Variants in DAAM1 observed in about 807,000 individuals in gnomAD.
DAAM1 encodes disheveled-associated activator of morphogenesis 1.
A neutral mutation model predicts 130.0 loss-of-function variants in DAAM1; 52 were observed. The observed-to-expected ratio is 0.40, with a 90% CI of 0.32 to 0.50. The LOEUF (loss-of-function observed/expected upper bound fraction) is 0.50, where lower values mean the gene tolerates loss of function less well. Ranked by LOEUF, DAAM1 falls within the 20% of genes least tolerant of loss-of-function variation. The pLI is 0.61. For missense variants in DAAM1, 1,134 were observed against 1,303.8 expected (o/e 0.87, Z 2.01); for synonymous variants, 452 against 444.5 (o/e 1.02, Z -0.21).
chr14:59,237,212 G>A (rs1316463878), intron 1 of DAAM1, among the ~76,000 whole-genome samples: 1 of 152,176 alleles, frequency 6.6e-6, no homozygotes, highest in Non-Finnish European at 1.5e-5. Context: ...AGGGAAATGT[G>A]AACATCTATT....
At chr14:59,265,966 T>G (rs1384583556) in intron 2 of DAAM1, 1 of 152,240 alleles carries the variant, frequency 6.6e-6, no homozygotes, top group Non-Finnish European at 1.5e-5. Context: ...CTGTAGAGAC[T>G]GGTACCACAA....
intron 1 of DAAM1, among the ~76,000 whole-genome samples, chr14:59,195,648 G>C (rs1277340671): frequency 6.6e-6 from 1 of 152,160 alleles, no homozygotes; most frequent in African/African-American, 2.4e-5. Flanking sequence ...TTGCCTATCT[G>C]ATAGACTTCC....
chr14:59,265,241 C>T (rs1882379032), intron 2 of DAAM1: 1 of 152,196 alleles, frequency 6.6e-6, no homozygotes, highest in Non-Finnish European at 1.5e-5. Flanking sequence ...GATTTCTGGT[C>T]TCCTGCGTGG....
intron 23 of DAAM1, among the ~76,000 whole-genome samples, chr14:59,366,915 C>G (rs565648052): frequency 4.9e-4 from 53 of 108,988 alleles, no homozygotes; most frequent in Non-Finnish European, 9.3e-4. Flanking sequence ...AAGACCCCAT[C>G]TATTAAAAAA....
At chr14:59,280,535 C>CTTTTTTTTTT (rs35354608) in intron 2 of DAAM1, among the ~76,000 whole-genome samples, 148 of 90,658 alleles carry the variant, frequency 1.6e-3, no homozygotes, top group East Asian at 3.2e-3. Context: ...GCACACCTTC[C>CTTTTTTTTTT]TTTTTTTTTT....
chr14:59,309,603 C>G (rs1884501135), intron 3 of DAAM1, among the ~76,000 whole-genome samples: 1 of 152,200 alleles, frequency 6.6e-6, no homozygotes. Flanking sequence ...TTCAAGTGTT[C>G]TCTGTGGCTG....
At chr14:59,299,294 A>G (rs1363670586) in intron 3 of DAAM1, among the ~76,000 whole-genome samples, 2 of 152,242 alleles carry the variant, frequency 1.3e-5, no homozygotes, top group Non-Finnish European at 1.5e-5. Context: ...AGAAGGGAGG[A>G]TACCATTTAC....
intron 22 of DAAM1, chr14:59,362,672 G>GAGCAACATGCCATGGTT (rs1391546628): frequency 6.6e-6 from 1 of 151,580 alleles, no homozygotes; most frequent in Non-Finnish European, 1.5e-5. Context: ...CTGAGGCCCA[G>GAGCAACATGCCATGGTT]AGCAACATGC....
At chr14:59,347,508 T>C in intron 16 of DAAM1, 31 bp from the exon 17 acceptor site, 2 of 1,596,458 alleles carry the variant, frequency 1.3e-6, no homozygotes, top group Non-Finnish European at 1.7e-6. Context: ...CTCAAACCAA[T>C]ATGGTTAATA....
chr14:59,302,139 C>T (rs1884197676), intron 3 of DAAM1, among the ~76,000 whole-genome samples: 1 of 152,072 alleles, frequency 6.6e-6, no homozygotes, highest in South Asian at 2.1e-4. Context: ...AGAAGAAAAT[C>T]CAAAATTTGA....
rs141397588 is a variant in DAAM1 at position 59,307,598 on chromosome 14, G to T, written c.274-7682G>T. 2.8e-4 allele frequency among the ~76,000 whole-genome samples: 42 copies of T among 152,252 alleles called. No individual in the cohort carries two copies. The East Asian group carries it at 8.1e-3, about 29-fold the overall frequency. ...TATGGTAGCAAGAGGCTTTCTCTGG[G>T]CAAACGTGGCATTTTGTATTGGCTC... is the stretch of plus-strand genomic sequence containing the variant. On this transcript the variant is annotated intron_variant, in intron 3 of 24. Transcript: ENST00000360909.
At chr14:59,237,648 T>C (rs1889344285) in intron 1 of DAAM1, among the ~76,000 whole-genome samples, 1 of 152,164 alleles carries the variant, frequency 6.6e-6, no homozygotes, top group Non-Finnish European at 1.5e-5. Flanking sequence ...GTGCCAGGAT[T>C]GATATAGGCC....
intron 1 of DAAM1, among the ~76,000 whole-genome samples, chr14:59,259,152 G>A (rs1392255197): frequency 2.0e-5 from 3 of 152,138 alleles, no homozygotes. Flanking sequence ...AACTATTGCT[G>A]TTTATTTATT....
Position 59,324,185 on chromosome 14 carries a change from A to G in DAAM1, c.832A>G (p.Lys278Glu). Residue 278 changes from lysine to glutamate, a missense_variant, in exon 7 of 25, where the codon AAG becomes GAG. Lys to Glu is a moderately conservative substitution (Grantham distance 56). Around this residue, in one of 3 missense-constraint regions of DAAM1, gnomAD observed 391 missense variants for 521.6 expected, o/e 0.75. Transcript: ENST00000360909. ...TGRYRDEVSL[K>E]TAIMSFINAV... is the part of the protein sequence containing the mutation. ...GCGGTATCGAGATGAAGTGAGTCTC[A>G]AGACTGCCATCATGTCCTTCATTAA... 2 of 1,464,858 alleles carry G rather than the reference A, an allele frequency of 1.4e-6. No homozygotes were observed. The highest frequency in any genetic ancestry group is 1.7e-5 in the South Asian group (1 of 60,096). 90.7% of individuals were successfully genotyped at this position (1,464,858 alleles called of 1,614,324 possible).
intron 2 of DAAM1, among the ~76,000 whole-genome samples, chr14:59,289,954 G>A (rs999661723): frequency 5.3e-5 from 8 of 151,832 alleles, no homozygotes; most frequent in African/African-American, 1.9e-4. Flanking sequence ...ACACAAAGAT[G>A]GGGAAAATAG....
Position 59,328,995 on chromosome 14 carries a change from G to A in DAAM1, c.1373-1506G>A, listed in dbSNP as rs139249755. 8.4e-3 allele frequency among the ~76,000 whole-genome samples: 1,276 copies of A among 152,320 alleles called. 11 individuals are homozygous for A. The highest frequency in any genetic ancestry group is 0.013 in the Non-Finnish European group (905 of 68,026). ...AGAAGTTCTGTGGACCTAAAATGTAGAGAATATTTGGGGAGAATTCTCTTT... is the reference window on the plus strand; with the variant it reads ...AGAAGTTCTGTGGACCTAAAATGTAAAGAATATTTGGGGAGAATTCTCTTT... On this transcript the variant is annotated intron_variant, in intron 12 of 24. Coordinates refer to ENST00000360909, the MANE Select transcript of DAAM1 (RefSeq NM_001270520.2).
intron 3 of DAAM1, among the ~76,000 whole-genome samples, chr14:59,292,489 G>A (rs533077236): frequency 6.6e-6 from 1 of 152,284 alleles, no homozygotes; most frequent in South Asian, 2.1e-4. Flanking sequence ...GAGCCTATGT[G>A]AGTGGCTCTC....
chr14:59,235,735 G>A (rs530934695), intron 1 of DAAM1, among the ~76,000 whole-genome samples: 1 of 152,196 alleles, frequency 6.6e-6, no homozygotes, highest in South Asian at 2.1e-4. Flanking sequence ...TGATGTTAGG[G>A]TGTTGATTTG....
intron 2 of DAAM1, among the ~76,000 whole-genome samples, chr14:59,289,783 T>TATATATATATAAAA (rs966292211): frequency 5.2e-5 from 7 of 135,244 alleles, no homozygotes; most frequent in African/African-American, 1.8e-4. Context: ...TATATATATA[T>TATATATATATAAAA]AATGGAATGC....
Sources: gnomAD v4.1 joint callset for allele counts (sites outside exome capture counted in the v4.1 genomes callset) on GRCh38, gnomAD v4.1.1 for gene constraint, gnomAD v4.1.1 regional missense constraint, MANE v1.5 for transcripts, NCBI Gene and HGNC (gene_info 2026-07-23, HGNC 2026-07-21) for gene names.